Variants in CYP4Z1 observed in about 807,000 individuals in gnomAD.
The protein encoded by CYP4Z1 is cytochrome P450 4Z1.
A neutral mutation model predicts 54.2 loss-of-function variants in CYP4Z1; 41 were observed. The observed-to-expected ratio is 0.76, with a 90% CI of 0.59 to 0.98. The LOEUF is 0.98. Ranked by LOEUF, CYP4Z1 falls within the 50% of genes least tolerant of loss-of-function variation. The probability of loss-of-function intolerance (pLI) is 0.00; values close to 1 mark genes in which losing one functional copy is unlikely to be tolerated. For synonymous variants in CYP4Z1, 163 were observed against 206.2 expected, an observed-to-expected ratio of 0.79 and a Z score of 1.79; for missense variants, 513 against 599.0, an observed-to-expected ratio of 0.86 and a Z score of 1.50.
intron 2 of CYP4Z1, among the ~76,000 whole-genome samples, chr1:47,077,293 T>G (rs1009788550): frequency 6.6e-6 from 1 of 152,142 alleles, no homozygotes; most frequent in African/African-American, 2.4e-5. Flanking sequence ...ATTATAACTG[T>G]TATATCTTCT....
chr1:47,109,917 C>T, intron 9 of CYP4Z1, among the ~76,000 whole-genome samples: 1 of 150,994 alleles, frequency 6.6e-6, no homozygotes, highest in East Asian at 1.9e-4. Flanking sequence ...GTTATGAATT[C>T]TATTTCCTTT....
chr1:47,115,572 C>T lies in CYP4Z1; in HGVS notation c.1245C>T (p.Pro415=). The stretch of plus-strand genomic sequence containing the variant: ...ATATTTGGGCTCTTCACCACAACCC[C>T]TATTTCTGGGAAGACCCTCAGGTAT... ...FINIWALHHN[P]YFWEDPQVFN... The change falls in exon 10 of 12, where the codon CCC becomes CCT. Residue 415 remains proline, a synonymous_variant. Transcript: ENST00000334194. 2.5e-6 allele frequency: 4 copies of T among 1,613,600 alleles called. No individual in the cohort carries two copies. The South Asian group carries it at 3.3e-5, about 13-fold the overall frequency.
At chr1:47,105,134 G>A (rs4926797) in intron 8 of CYP4Z1, among the ~76,000 whole-genome samples, 65,287 of 151,902 alleles carry the variant, frequency 0.43, 15,383 homozygotes, top group East Asian at 0.96. Flanking sequence ...GAAAATGTGT[G>A]CCCACCCCTC....
chr1:47,063,639 G>C (rs999473895), upstream of CYP4Z1, among the ~76,000 whole-genome samples: 11 of 151,700 alleles, frequency 7.3e-5, no homozygotes, highest in Non-Finnish European at 1.6e-4. Context: ...GCAGAAGCAA[G>C]GCCTTAACAG....
intron 8 of CYP4Z1, among the ~76,000 whole-genome samples, chr1:47,104,968 T>C (rs1428245970): frequency 1.3e-5 from 2 of 151,926 alleles, no homozygotes; most frequent in African/African-American, 4.8e-5. Context: ...TGGAGTGCAA[T>C]GGCACGATCT....
chr1:47,058,563 C>T, the CYP4Z1 span, among the ~76,000 whole-genome samples: 10 of 152,136 alleles, frequency 6.6e-5, no homozygotes, highest in South Asian at 4.1e-4. Context: ...AGAGGACCTA[C>T]GGGCAATCCT....
chr1:47,103,195 T>TA (rs1644732354), intron 8 of CYP4Z1, among the ~76,000 whole-genome samples: 1 of 151,900 alleles, frequency 6.6e-6, no homozygotes, highest in African/African-American at 2.4e-5. Flanking sequence ...CTTTTTTTTT[T>TA]AAGAGAGAGA....
the CYP4Z1 span, among the ~76,000 whole-genome samples, chr1:47,057,558 A>G: frequency 2.8e-5 from 4 of 141,578 alleles, no homozygotes; most frequent in Non-Finnish European, 6.1e-5. Context: ...AAGTCACTGA[A>G]TTTTTCTTTT....
the CYP4Z1 span, among the ~76,000 whole-genome samples, chr1:47,058,379 G>A: frequency 2.0e-5 from 3 of 151,992 alleles, no homozygotes; most frequent in African/African-American, 7.2e-5. Context: ...ACATTTTCTG[G>A]TTCCCCTACA....
intron 6 of CYP4Z1, among the ~76,000 whole-genome samples, chr1:47,090,893 C>T (rs926969424): frequency 7.2e-6 from 1 of 138,018 alleles, no homozygotes; most frequent in Non-Finnish European, 1.5e-5. Flanking sequence ...AGAGTTTTCA[C>T]CAATACCAAA....
At chr1:47,057,516 T>TA in the CYP4Z1 span, among the ~76,000 whole-genome samples, 1 of 147,806 alleles carries the variant, frequency 6.8e-6, no homozygotes, top group Non-Finnish European at 1.5e-5. Context: ...TTTTTTTTTT[T>TA]AGATTGCATA....
intron 8 of CYP4Z1, among the ~76,000 whole-genome samples, chr1:47,101,290 T>C (rs1471156585): frequency 6.6e-6 from 1 of 151,792 alleles, no homozygotes; most frequent in Non-Finnish European, 1.5e-5. Context: ...TTCTACTAAT[T>C]TGGGGTTTGG....
In CYP4Z1 at chr1:47,108,263, C is replaced by G. The variant is rs530279423; in HGVS notation, c.1201+2002C>G. 7.2e-5 allele frequency among the ~76,000 whole-genome samples: 11 copies of G among 152,274 alleles called. No individual in the cohort carries two copies. In the East Asian group the frequency reaches 1.7e-3, roughly 24 times the overall value. On this transcript the variant is annotated intron_variant, in intron 9 of 11. Transcript: ENST00000334194. ...ACAACTTCACTTTCTTCACCCCAGG[C>G]TTGGATGCCTGGATTCATCACTCCA... is the stretch of plus-strand genomic sequence containing the variant.
Position 47,091,897 on chromosome 1 carries a change from G to A in CYP4Z1, c.773-2669G>A, listed in dbSNP as rs1459482287. Among the ~76,000 whole-genome samples the A allele has an allele frequency of 3.3e-5, 5 of 150,162 alleles. 2 individuals carry two copies. In the South Asian group the frequency reaches 8.6e-4, roughly 26 times the overall value. Reference sequence around the variant, plus strand: ...CCTTCCGGTCCTGCTGTGGGAAGAGGGGAGGCCTGGAGTTAAAGGGGAGAA... The same window carrying A: ...CCTTCCGGTCCTGCTGTGGGAAGAGAGGAGGCCTGGAGTTAAAGGGGAGAA... On this transcript the variant is annotated intron_variant, in intron 6 of 11. Transcript: ENST00000334194.
chr1:47,084,745 G>A lies in CYP4Z1; in HGVS notation c.617+1G>A, dbSNP rs773006250. 103 of 1,613,284 alleles carry A rather than the reference G, an allele frequency of 6.4e-5. No individual in the cohort carries two copies. The highest frequency in any genetic ancestry group is 8.6e-5 in the Non-Finnish European group (102 of 1,179,848). Reference sequence around the variant, plus strand: ...ACCAGGGCAGCATCCAGTTGGACAGGTCAGTGACAAAAGGAAGGTAATTGT... The same window carrying A: ...ACCAGGGCAGCATCCAGTTGGACAGATCAGTGACAAAAGGAAGGTAATTGT... On this transcript the variant is annotated splice_donor_variant, in intron 5 of 11. Coordinates refer to ENST00000334194, the MANE Select transcript of CYP4Z1 (RefSeq NM_178134.3). LOFTEE classifies it high-confidence loss of function.
intron 4 of CYP4Z1, among the ~76,000 whole-genome samples, chr1:47,083,106 G>A (rs1031336549): frequency 4.6e-5 from 7 of 152,050 alleles, no homozygotes; most frequent in African/African-American, 9.7e-5. Context: ...AGGTGATTGC[G>A]ACAACTCAAA....
chr1:47,068,470 C>G, intron 1 of CYP4Z1, 152 bp from the exon 2 acceptor site: 2 of 927,128 alleles, frequency 2.2e-6, no homozygotes, highest in Non-Finnish European at 3.3e-6. Flanking sequence ...GCTGGAGACA[C>G]ATGGAGAAGA....
At chr1:47,064,699 C>G (rs887167853), upstream of CYP4Z1, among the ~76,000 whole-genome samples, 1 of 151,992 alleles carries the variant, frequency 6.6e-6, no homozygotes, top group Non-Finnish European at 1.5e-5. Context: ...CCTCACATAT[C>G]AATACTAATA....
At chr1:47,063,376 T>A (rs747232387), upstream of CYP4Z1, among the ~76,000 whole-genome samples, 2 of 151,760 alleles carry the variant, frequency 1.3e-5, no homozygotes, top group African/African-American at 4.8e-5. Context: ...CAGCAATGGA[T>A]CCAAACTAAG....
Sources: allele counts gnomAD v4.1 joint callset (sites outside exome capture counted in the v4.1 genomes callset), GRCh38; gene constraint gnomAD v4.1.1; transcripts MANE v1.5; gene names NCBI Gene and HGNC (gene_info 2026-07-23, HGNC 2026-07-21).